The following LRMDA variants were observed in gnomAD, a reference collection of about 807,000 sequenced individuals.
LRMDA encodes the protein leucine rich melanocyte differentiation associated.
LRMDA carries 18 observed loss-of-function variants against 29.8 expected under a neutral mutation model. That is an observed-to-expected ratio of 0.60 (90% CI 0.42 to 0.90). LRMDA has a LOEUF of 0.90. LRMDA is among the 40% of genes least tolerant of loss of function. LRMDA has a pLI of 0.00. For missense variants in LRMDA, 273 were observed against 273.9 expected (o/e 1.00, Z 0.02); for synonymous variants, 125 against 109.4 (o/e 1.14, Z -0.89).
chr10:75,555,157 A>G (rs966577441), intron 2 of LRMDA, among the ~76,000 whole-genome samples: 4 of 152,106 alleles, frequency 2.6e-5, no homozygotes, highest in African/African-American at 9.7e-5. Flanking sequence ...AGTTCTAGAG[A>G]AAACTATGGA....
At chr10:76,527,236 A>G (rs1843186290) in intron 6 of LRMDA, among the ~76,000 whole-genome samples, 1 of 151,992 alleles carries the variant, frequency 6.6e-6, no homozygotes, top group African/African-American at 2.4e-5. Context: ...CTGTCTTCTG[A>G]GGGCACTTAA....
chr10:76,285,816 A>G (rs899414863), intron 5 of LRMDA, among the ~76,000 whole-genome samples: 9 of 152,204 alleles, frequency 5.9e-5, no homozygotes, highest in Non-Finnish European at 1.2e-4. Context: ...GCCTCCCAAT[A>G]AAAGTTAATT....
At chr10:75,441,992 G>T (rs756582491) in intron 2 of LRMDA, among the ~76,000 whole-genome samples, 4 of 152,216 alleles carry the variant, frequency 2.6e-5, no homozygotes, top group African/African-American at 4.8e-5. Flanking sequence ...GCAGTGAGAA[G>T]AAAGTCTCAT....
At chr10:75,765,152 C>T (rs1843146796) in intron 2 of LRMDA, among the ~76,000 whole-genome samples, 1 of 152,094 alleles carries the variant, frequency 6.6e-6, no homozygotes, top group Non-Finnish European at 1.5e-5. Flanking sequence ...TTTGTAATAA[C>T]CAGCTTCATT....
intron 2 of LRMDA, among the ~76,000 whole-genome samples, chr10:75,719,056 A>AT (rs1009154946): frequency 4.6e-5 from 7 of 152,204 alleles, no homozygotes; most frequent in African/African-American, 1.7e-4. Flanking sequence ...ATTAGGGTAA[A>AT]TTTTCATTTG....
intron 2 of LRMDA, among the ~76,000 whole-genome samples, chr10:75,591,186 T>A (rs1436679882): frequency 1.3e-5 from 2 of 152,228 alleles, no homozygotes; most frequent in Non-Finnish European, 2.9e-5. Flanking sequence ...CAGTGAGACA[T>A]CATCTCTACA....
At chr10:75,719,738 A>G (rs1362579465) in intron 2 of LRMDA, among the ~76,000 whole-genome samples, 1 of 152,184 alleles carries the variant, frequency 6.6e-6, no homozygotes, top group Non-Finnish European at 1.5e-5. Flanking sequence ...TGGGATGGCC[A>G]TGGCCTACCC....
chr10:75,505,494 G>A (rs1165017533), intron 2 of LRMDA, among the ~76,000 whole-genome samples: 4 of 152,144 alleles, frequency 2.6e-5, no homozygotes, highest in African/African-American at 9.7e-5. Context: ...ACGTGGAACA[G>A]GACCAGTTGG....
At chr10:76,111,964 T>C (rs1371003905) in intron 5 of LRMDA, among the ~76,000 whole-genome samples, 1 of 152,230 alleles carries the variant, frequency 6.6e-6, no homozygotes, top group Non-Finnish European at 1.5e-5. Flanking sequence ...AAACCTTACC[T>C]GTCAAACCCA....
chr10:75,776,120 C>T (rs887751648), intron 2 of LRMDA, among the ~76,000 whole-genome samples: 9 of 152,202 alleles, frequency 5.9e-5, no homozygotes, highest in African/African-American at 2.2e-4. Flanking sequence ...TTACAACTTC[C>T]TTTATTATTG....
intron 2 of LRMDA, among the ~76,000 whole-genome samples, chr10:75,630,123 TG>T (rs1230488524): frequency 6.6e-6 from 1 of 152,250 alleles, no homozygotes; most frequent in Admixed American, 6.5e-5. Context: ...ATGGAAGGCC[TG>T]GGCCTGGGGT....
At chr10:75,618,727 G>T (rs1219705561) in intron 2 of LRMDA, among the ~76,000 whole-genome samples, 2 of 149,010 alleles carry the variant, frequency 1.3e-5, no homozygotes, top group African/African-American at 2.5e-5. Context: ...TAAATAGTAA[G>T]CTAGAAAAAA....
intron 6 of LRMDA, among the ~76,000 whole-genome samples, chr10:76,358,148 C>A (rs1841265495): frequency 6.6e-6 from 1 of 152,282 alleles, no homozygotes; most frequent in Non-Finnish European, 1.5e-5. Context: ...AAAAGCAGAT[C>A]CCTCAGCTTT....
At chr10:76,103,718 G>A (rs11001614) in intron 5 of LRMDA, among the ~76,000 whole-genome samples, 65,720 of 151,620 alleles carry the variant, frequency 0.43, 14,692 homozygotes, top group Non-Finnish European at 0.46. Flanking sequence ...TCAGAGTTTG[G>A]GCTGCCTCAG....
chr10:75,589,415 T>C (rs1401831522), intron 2 of LRMDA, among the ~76,000 whole-genome samples: 1 of 152,218 alleles, frequency 6.6e-6, no homozygotes, highest in African/African-American at 2.4e-5. Context: ...GTGAACTACA[T>C]GATCATATCC....
intron 6 of LRMDA, among the ~76,000 whole-genome samples, chr10:76,535,538 T>A (rs1436115387): frequency 6.6e-6 from 1 of 152,130 alleles, no homozygotes; most frequent in Non-Finnish European, 1.5e-5. Flanking sequence ...GATAGAGACT[T>A]GAAAACTGCT....
At chr10:75,722,022 G>A (rs1170662699) in intron 2 of LRMDA, among the ~76,000 whole-genome samples, 3 of 152,114 alleles carry the variant, frequency 2.0e-5, no homozygotes, top group Admixed American at 2.0e-4. Flanking sequence ...AAGGTGAGGT[G>A]ACGGCAAGAT....
chr10:75,719,302 A>T (rs2132185725), intron 2 of LRMDA, among the ~76,000 whole-genome samples: 1 of 152,338 alleles, frequency 6.6e-6, no homozygotes, highest in Admixed American at 6.5e-5. Flanking sequence ...TGGGGTTGGC[A>T]TTATTTGCCT....
chr10:76,009,033 G>A (rs1847725371), intron 2 of LRMDA, among the ~76,000 whole-genome samples: 1 of 152,198 alleles, frequency 6.6e-6, no homozygotes, highest in Non-Finnish European at 1.5e-5. Context: ...GGTCTCCTGA[G>A]CAGTGGAGTA....
Sources: gnomAD v4.1 joint callset for allele counts (sites outside exome capture counted in the v4.1 genomes callset) on GRCh38, gnomAD v4.1.1 for gene constraint, MANE v1.5 for transcripts, NCBI Gene and HGNC (gene_info 2026-07-23, HGNC 2026-07-21) for gene names.